The following SLC35F3 variants were observed in gnomAD, a reference collection of about 807,000 sequenced individuals.
SLC35F3 encodes putative thiamine transporter SLC35F3.
In SLC35F3, 25 loss-of-function variants were observed where a neutral mutation model predicts 49.9. The ratio of observed to expected loss-of-function variants is 0.50; its 90% CI spans 0.37 to 0.70. The LOEUF (loss-of-function observed/expected upper bound fraction) is 0.70, where lower values mean the gene tolerates loss of function less well. Among genes scored for constraint, SLC35F3 ranks in the 30% least tolerant of loss-of-function variants. The pLI, the probability that SLC35F3 is intolerant of heterozygous loss-of-function variation, is 0.00. For synonymous variants in SLC35F3, 275 were observed against 265.4 expected (o/e 1.04, Z -0.35); for missense variants, 525 against 639.8 (o/e 0.82, Z 1.94).
chr1:234,013,705 A>G (rs796846012), intron 2 of SLC35F3, among the ~76,000 whole-genome samples: 3 of 152,236 alleles, frequency 2.0e-5, no homozygotes, highest in African/African-American at 7.2e-5. Flanking sequence ...ACTATGAATC[A>G]TTATATGCCA....
At chr1:233,973,292 T>C (rs558408751) in intron 2 of SLC35F3, among the ~76,000 whole-genome samples, 7 of 152,294 alleles carry the variant, frequency 4.6e-5, no homozygotes, top group Non-Finnish European at 8.8e-5. Flanking sequence ...AAAGGTGCCA[T>C]GGAAAGCTGA....
At chr1:233,972,731 T>G (rs1032348596) in intron 2 of SLC35F3, among the ~76,000 whole-genome samples, 1 of 152,236 alleles carries the variant, frequency 6.6e-6, no homozygotes, top group South Asian at 2.1e-4. Context: ...CATTTCTCTG[T>G]TCAAACATTA....
At chr1:234,304,049 CTTT>C (rs1668735535) in intron 3 of SLC35F3, among the ~76,000 whole-genome samples, 1 of 104,762 alleles carries the variant, frequency 9.5e-6, no homozygotes, top group Admixed American at 9.5e-5. Flanking sequence ...TTCCTTCTTT[CTTT>C]CCTTCCTTTC....
intron 2 of SLC35F3, among the ~76,000 whole-genome samples, chr1:234,130,155 CAAATTAACA>C (rs572518480): frequency 1.3e-5 from 2 of 152,102 alleles, no homozygotes; most frequent in Non-Finnish European, 2.9e-5. Context: ...TTAATTCCTT[CAAATTAACA>C]ATAGGAATTC....
chr1:234,286,070 A>G (rs1378584070), intron 3 of SLC35F3, among the ~76,000 whole-genome samples: 1 of 152,236 alleles, frequency 6.6e-6, no homozygotes, highest in Non-Finnish European at 1.5e-5. Flanking sequence ...AAAATCAGAG[A>G]GCATAGTGAT....
rs189376460 is a variant in SLC35F3, at chr1:234,218,884, A to G, written c.284-12533A>G. On this transcript the variant is annotated intron_variant, in intron 2 of 7. Coordinates refer to ENST00000366618, the MANE Select transcript of SLC35F3 (RefSeq NM_173508.4). ...GCCAACATGGTGAAACCCTGTCACT[A>G]CTAAAAATACAAAAATTAGCTGGAC... Among the ~76,000 whole-genome samples, 1,355 of 146,838 alleles carry G rather than the reference A, an allele frequency of 9.2e-3. 21 individuals carry two copies. Among genetic ancestry groups the G allele is most frequent in the African/African-American group, 0.034 (1,289 of 37,790 alleles).
chr1:233,961,105 T>G (rs1361767065), intron 2 of SLC35F3, among the ~76,000 whole-genome samples: 1 of 152,174 alleles, frequency 6.6e-6, no homozygotes, highest in African/African-American at 2.4e-5. Context: ...GATCACATAC[T>G]TCTTCAAAAA....
In SLC35F3 at chr1:234,231,559, G is replaced by C. The variant is rs778186074; in HGVS notation, c.426G>C (p.Val142=). The part of the protein sequence containing the change: ...LKKIFWGVAV[V]LCVCSSWAGS... ...AGATCTTCTGGGGCGTGGCGGTCGT[G>C]CTGTGCGTGTGCTCCTCGTGGGCGG... The change falls in exon 3 of 8, where the codon GTG becomes GTC. Residue 142 remains valine (V), a synonymous_variant. Coordinates refer to ENST00000366618, the MANE Select transcript of SLC35F3 (RefSeq NM_173508.4). This position sits in a 1 kb window ranked among gnomAD's most constrained non-coding sequence, Gnocchi z 5.4. 6.2e-6 allele frequency: 10 copies of C among 1,614,154 alleles called. No individual in the cohort carries two copies. Among genetic ancestry groups the C allele is most frequent in the African/African-American group, 1.3e-5 (1 of 75,058 alleles).
At chr1:234,295,361 C>T (rs769325248) in intron 3 of SLC35F3, among the ~76,000 whole-genome samples, 4 of 152,316 alleles carry the variant, frequency 2.6e-5, no homozygotes, top group Non-Finnish European at 4.4e-5. Context: ...TGCTGCCTTG[C>T]GAAGCTTGGG....
intron 2 of SLC35F3, among the ~76,000 whole-genome samples, chr1:234,007,439 C>A (rs10910326): frequency 0.015 from 2,216 of 152,188 alleles, 51 homozygotes; most frequent in African/African-American, 0.05. Context: ...AGTGTGGGTG[C>A]AGAAGCCAGC....
intron 2 of SLC35F3, among the ~76,000 whole-genome samples, chr1:234,137,455 A>G (rs1014043868): frequency 2.0e-5 from 3 of 152,214 alleles, no homozygotes; most frequent in African/African-American, 7.2e-5. Flanking sequence ...GGAAGAGCAC[A>G]TAGAGCTTGT....
intron 2 of SLC35F3, among the ~76,000 whole-genome samples, chr1:234,051,290 T>C (rs1026383899): frequency 5.3e-5 from 8 of 152,228 alleles, no homozygotes; most frequent in African/African-American, 1.9e-4. Context: ...GTTCTTCCAT[T>C]TGTTTGTGTC....
chr1:234,015,578 A>G (rs1663791105), intron 2 of SLC35F3, among the ~76,000 whole-genome samples: 1 of 152,206 alleles, frequency 6.6e-6, no homozygotes, highest in African/African-American at 2.4e-5. Flanking sequence ...TCTCTTCAAT[A>G]AAGGGTGTTG....
At chr1:234,121,271 G>C (rs1208909999) in intron 2 of SLC35F3, among the ~76,000 whole-genome samples, 1 of 151,398 alleles carries the variant, frequency 6.6e-6, no homozygotes, top group Non-Finnish European at 1.5e-5. Flanking sequence ...TCAGTAGCTG[G>C]GATTACAGGC....
intron 2 of SLC35F3, among the ~76,000 whole-genome samples, chr1:234,032,824 C>T (rs1572026459): frequency 6.6e-6 from 1 of 152,114 alleles, no homozygotes; most frequent in South Asian, 2.1e-4. Context: ...CTGCTATAAA[C>T]GTGTGTGCAA....
At chr1:234,230,597 A>G (rs1458239781) in intron 2 of SLC35F3, among the ~76,000 whole-genome samples, 1 of 152,234 alleles carries the variant, frequency 6.6e-6, no homozygotes, top group Non-Finnish European at 1.5e-5. Flanking sequence ...AAAAGCAAAC[A>G]GTGGAAAATA....
At chr1:234,198,060 C>T (rs1220709443) in intron 2 of SLC35F3, among the ~76,000 whole-genome samples, 3 of 152,138 alleles carry the variant, frequency 2.0e-5, no homozygotes. Context: ...ACAGGATGGG[C>T]ATCTGACAGA....
chr1:234,228,956 G>GATT (rs1161387704), intron 2 of SLC35F3, among the ~76,000 whole-genome samples: 3 of 152,164 alleles, frequency 2.0e-5, no homozygotes, highest in African/African-American at 7.2e-5. Context: ...ATTGATGAGT[G>GATT]ATTATTATTA....
At chr1:233,905,408 G>T in intron 1 of SLC35F3, 121 bp from the exon 2 acceptor site, 7 of 793,082 alleles carry the variant, frequency 8.8e-6, no homozygotes, top group Non-Finnish European at 1.2e-5. Context: ...CGCGGCGCTC[G>T]CCCCCGGAGG....
Sources: allele counts gnomAD v4.1 joint callset (sites outside exome capture counted in the v4.1 genomes callset), GRCh38; gene constraint gnomAD v4.1.1; non-coding constraint Gnocchi (gnomAD v3.1); transcripts MANE v1.5; gene names NCBI Gene and HGNC (gene_info 2026-07-23, HGNC 2026-07-21).